The following EFNA5 variants were observed in gnomAD, a reference collection of about 807,000 sequenced individuals.
EFNA5 encodes ephrin A5.
EFNA5 carries 5 observed loss-of-function variants against 22.9 expected under a neutral mutation model. The observed-to-expected ratio is 0.22, with a 90% CI of 0.11 to 0.46. EFNA5 has a LOEUF of 0.46. Among genes scored for constraint, EFNA5 ranks in the 20% least tolerant of loss-of-function variants. The pLI, the probability that EFNA5 is intolerant of heterozygous loss-of-function variation, is 0.99. For missense variants in EFNA5, 237 were observed against 293.3 expected, an observed-to-expected ratio of 0.81 and a Z score of 1.40; for synonymous variants, 113 against 112.2, an observed-to-expected ratio of 1.01 and a Z score of -0.04.
rs115704200 is a variant in EFNA5 at position 107,466,384 on chromosome 5, C to T, written c.126-38875G>A. On this transcript the variant is annotated intron_variant, in intron 1 of 4. Coordinates refer to ENST00000333274, the MANE Select transcript of EFNA5 (RefSeq NM_001962.3). Reference sequence around the variant, plus strand: ...TGGAGAAAGATAGCTCAAGCAGAGCCGGGCACCAGAGCGGAAATGCTGGGA... The same window carrying T: ...TGGAGAAAGATAGCTCAAGCAGAGCTGGGCACCAGAGCGGAAATGCTGGGA... Among the ~76,000 whole-genome samples the T allele has an allele frequency of 2.1e-3, 326 of 152,100 alleles. 1 individual carries two copies. The highest frequency in any genetic ancestry group is 7.4e-3 in the African/African-American group (306 of 41,488).
intron 2 of EFNA5, among the ~76,000 whole-genome samples, chr5:107,423,157 G>A (rs1748716016): frequency 3.3e-5 from 5 of 152,140 alleles, no homozygotes; most frequent in Admixed American, 2.6e-4. Context: ...CCAGATGGAT[G>A]AAATGATTCT....
At chr5:107,620,738 T>C (rs1342167296) in intron 1 of EFNA5, among the ~76,000 whole-genome samples, 1 of 152,036 alleles carries the variant, frequency 6.6e-6, no homozygotes, top group Non-Finnish European at 1.5e-5. Context: ...TAAAATAGAG[T>C]TGAAAAGTCC....
chr5:107,483,211 GT>G (rs1170431982), intron 1 of EFNA5, among the ~76,000 whole-genome samples: 2 of 151,808 alleles, frequency 1.3e-5, no homozygotes, highest in Non-Finnish European at 2.9e-5. Flanking sequence ...TGTTGTTGTT[GT>G]TTTTTTCCCC....
intron 1 of EFNA5, among the ~76,000 whole-genome samples, chr5:107,490,638 C>G (rs1317153423): frequency 1.3e-5 from 2 of 152,206 alleles, no homozygotes; most frequent in Non-Finnish European, 2.9e-5. Context: ...GTTTATCCAA[C>G]ATGAGAGTTC....
intron 1 of EFNA5, among the ~76,000 whole-genome samples, chr5:107,664,548 T>C (rs1234076499): frequency 6.6e-6 from 1 of 152,192 alleles, no homozygotes; most frequent in Non-Finnish European, 1.5e-5. Context: ...CAGTAATTTA[T>C]TGATGTTTGG....
At chr5:107,447,168 T>G (rs1392099740) in intron 1 of EFNA5, among the ~76,000 whole-genome samples, 2 of 152,182 alleles carry the variant, frequency 1.3e-5, no homozygotes, top group African/African-American at 4.8e-5. Flanking sequence ...GGAATCAGAC[T>G]GAATGACAGA....
intron 2 of EFNA5, among the ~76,000 whole-genome samples, chr5:107,424,966 C>A (rs1454682306): frequency 6.6e-6 from 1 of 152,130 alleles, no homozygotes; most frequent in Non-Finnish European, 1.5e-5. Flanking sequence ...TAATGAACAT[C>A]TTTTTGCTGC....
intron 1 of EFNA5, among the ~76,000 whole-genome samples, chr5:107,444,247 A>G (rs996535441): frequency 3.2e-4 from 48 of 152,376 alleles, no homozygotes; most frequent in African/African-American, 1.1e-3. Context: ...ATTGCTTGAA[A>G]GATGAAAGAG....
intron 1 of EFNA5, among the ~76,000 whole-genome samples, chr5:107,464,238 T>C (rs1407803060): frequency 6.6e-6 from 1 of 152,082 alleles, no homozygotes; most frequent in Non-Finnish European, 1.5e-5. Flanking sequence ...AAAAGGAAGC[T>C]TTGGTCCACT....
chr5:107,562,539 A>G (rs1171789351), intron 1 of EFNA5, among the ~76,000 whole-genome samples: 1 of 152,226 alleles, frequency 6.6e-6, no homozygotes, highest in East Asian at 1.9e-4. Context: ...TGAATATAGT[A>G]TAATTGGTAT....
intron 1 of EFNA5, among the ~76,000 whole-genome samples, chr5:107,667,313 A>G (rs1751098105): frequency 6.6e-6 from 1 of 152,150 alleles, no homozygotes; most frequent in Non-Finnish European, 1.5e-5. Flanking sequence ...TTGAAAACTC[A>G]GTATCCACTT....
chr5:107,487,308 C>A (rs1332877151), intron 1 of EFNA5, among the ~76,000 whole-genome samples: 1 of 152,186 alleles, frequency 6.6e-6, no homozygotes, highest in Non-Finnish European at 1.5e-5. Context: ...CCTCTCTCCT[C>A]CCTCAGCACT....
rs1204610872 is a variant in EFNA5, at chr5:107,379,424, A to AAAAC, written c.*1827_*1830dup. 2.6e-5 allele frequency: 4 copies of AAAAC among 152,224 alleles called. No homozygotes were observed. The East Asian group carries it at 7.7e-4, about 29-fold the overall frequency. 9.4% of individuals were successfully genotyped at this position (152,224 alleles called of 1,614,324 possible). A position where few individuals can be genotyped will look rare whatever the true frequency, so the allele number is the denominator to read the frequency against. On this transcript the variant is annotated 3_prime_UTR_variant, in exon 5 of 5. Coordinates refer to ENST00000333274, the MANE Select transcript of EFNA5 (RefSeq NM_001962.3). ...TCTTTTTTTAACATATACATCTTAA[A>AAAAC]AAACAAATATATAAAAAATTCTTAT...
intron 1 of EFNA5, among the ~76,000 whole-genome samples, chr5:107,553,424 A>T (rs1748341596): frequency 6.6e-6 from 1 of 152,232 alleles, no homozygotes; most frequent in Non-Finnish European, 1.5e-5. Flanking sequence ...GCTTGGTGAG[A>T]GTAATCTACT....
chr5:107,446,300 G>A (rs1256413693), intron 1 of EFNA5, among the ~76,000 whole-genome samples: 1 of 152,094 alleles, frequency 6.6e-6, no homozygotes, highest in Non-Finnish European at 1.5e-5. Context: ...AACTTTTAGG[G>A]TATTATTTTT....
intron 1 of EFNA5, among the ~76,000 whole-genome samples, chr5:107,551,125 T>C (rs1226914046): frequency 6.6e-6 from 1 of 152,232 alleles, no homozygotes; most frequent in Non-Finnish European, 1.5e-5. Flanking sequence ...GGCCACCCTG[T>C]GGCCTTAGTA....
At chr5:107,531,153 T>C (rs1188645326) in intron 1 of EFNA5, among the ~76,000 whole-genome samples, 1 of 152,204 alleles carries the variant, frequency 6.6e-6, no homozygotes, top group African/African-American at 2.4e-5. Flanking sequence ...GTCTCTAACT[T>C]ACCTAAAGTT....
rs75027844 is a variant in EFNA5, at chr5:107,461,538, G to A, written c.126-34029C>T. ...GGTTGTAATTGAGGCAAGAGAGGACGGGGGAGAAAGACTGTGATCTAAGCA... is the reference window on the plus strand; with the variant it reads ...GGTTGTAATTGAGGCAAGAGAGGACAGGGGAGAAAGACTGTGATCTAAGCA... On this transcript the variant is annotated intron_variant, in intron 1 of 4. Coordinates refer to ENST00000333274, the MANE Select transcript of EFNA5 (RefSeq NM_001962.3). Among the ~76,000 whole-genome samples, 794 of 152,140 alleles carry A rather than the reference G, an allele frequency of 5.2e-3. 6 individuals carry two copies. The highest frequency in any genetic ancestry group is 0.017 in the African/African-American group (726 of 41,532).
At chr5:107,528,278 T>C (rs529808694) in intron 1 of EFNA5, among the ~76,000 whole-genome samples, 1 of 152,354 alleles carries the variant, frequency 6.6e-6, no homozygotes, top group African/African-American at 2.4e-5. Context: ...AGAAGACCTT[T>C]GGTCCTTACC....
Sources: gnomAD v4.1 joint callset for allele counts (sites outside exome capture counted in the v4.1 genomes callset) on GRCh38, gnomAD v4.1.1 for gene constraint, MANE v1.5 for transcripts, NCBI Gene and HGNC (gene_info 2026-07-23, HGNC 2026-07-21) for gene names.